The following ZNF385D variants were observed in gnomAD, a reference collection of about 807,000 sequenced individuals.
ZNF385D encodes zinc finger protein 659.
In ZNF385D, 15 loss-of-function variants were observed where a neutral mutation model predicts 35.8. That is an observed-to-expected ratio of 0.42 (90% CI 0.28 to 0.64). The LOEUF (loss-of-function observed/expected upper bound fraction) is 0.64, where lower values mean the gene tolerates loss of function less well. ZNF385D is among the 30% of genes least tolerant of loss of function. ZNF385D has a pLI of 0.23. For missense variants in ZNF385D, 474 were observed against 494.6 expected, an observed-to-expected ratio of 0.96 and a Z score of 0.39; for synonymous variants, 212 against 186.8, an observed-to-expected ratio of 1.13 and a Z score of -1.10.
At chr3:22,189,038 AT>A (rs35524906) in intron 2 of ZNF385D, among the ~76,000 whole-genome samples, 3 of 151,438 alleles carry the variant, frequency 2.0e-5, no homozygotes, top group Non-Finnish European at 2.9e-5. Flanking sequence ...AAAAACCAGC[AT>A]TTTTTTTTCT....
intron 3 of ZNF385D, among the ~76,000 whole-genome samples, chr3:21,517,628 G>C (rs1369690167): frequency 6.6e-6 from 1 of 152,180 alleles, no homozygotes; most frequent in Non-Finnish European, 1.5e-5. Context: ...CCTCCAATCA[G>C]AGTTAATACA....
At chr3:21,838,408 C>A (rs2673526) in intron 3 of ZNF385D, among the ~76,000 whole-genome samples, 96,422 of 152,102 alleles carry the variant, frequency 0.63, 31,078 homozygotes, top group African/African-American at 0.74. Context: ...CAGCTTCCAG[C>A]ACTTCTCATA....
chr3:22,172,702 T>G (rs1053635843), intron 2 of ZNF385D, among the ~76,000 whole-genome samples: 2 of 152,252 alleles, frequency 1.3e-5, no homozygotes, highest in Non-Finnish European at 1.5e-5. Flanking sequence ...CTGGAGCAAC[T>G]TGAGCAATAA....
chr3:21,651,564 A>G (rs2065915556), intron 2 of ZNF385D, among the ~76,000 whole-genome samples: 1 of 151,332 alleles, frequency 6.6e-6, no homozygotes, highest in East Asian at 2.0e-4. Flanking sequence ...ACGGTGGTGA[A>G]GAATGGTTTC....
chr3:21,589,765 GA>G (rs35302700), intron 2 of ZNF385D, among the ~76,000 whole-genome samples: 4 of 151,328 alleles, frequency 2.6e-5, no homozygotes, highest in Admixed American at 6.6e-5. Flanking sequence ...GATATTTAGT[GA>G]AAAAAAATCA....
intron 2 of ZNF385D, among the ~76,000 whole-genome samples, chr3:22,277,530 A>C (rs1285327792): frequency 6.6e-6 from 1 of 152,158 alleles, no homozygotes; most frequent in Admixed American, 6.6e-5. Context: ...TTAATGAATC[A>C]CTAAATAGTA....
At chr3:21,910,621 G>T (rs1699916534) in intron 3 of ZNF385D, among the ~76,000 whole-genome samples, 1 of 151,888 alleles carries the variant, frequency 6.6e-6, no homozygotes, top group African/African-American at 2.4e-5. Flanking sequence ...TATAATCGTT[G>T]TATCTCATGT....
At chr3:22,180,271 C>A (rs1158297674) in intron 2 of ZNF385D, among the ~76,000 whole-genome samples, 6 of 152,152 alleles carry the variant, frequency 3.9e-5, no homozygotes, top group South Asian at 4.1e-4. Flanking sequence ...CAATAACAGG[C>A]TCTGAAATTG....
chr3:22,042,838 T>TA (rs1698750651), intron 3 of ZNF385D, among the ~76,000 whole-genome samples: 1 of 152,212 alleles, frequency 6.6e-6, no homozygotes, highest in Non-Finnish European at 1.5e-5. Flanking sequence ...ACGTGTTTGG[T>TA]TGTCTTTGGA....
At chr3:22,001,129 A>C (rs1430908891) in intron 3 of ZNF385D, among the ~76,000 whole-genome samples, 3 of 152,118 alleles carry the variant, frequency 2.0e-5, no homozygotes, top group Admixed American at 6.5e-5. Context: ...AAAGGATAGG[A>C]ATAAGTCCTC....
chr3:22,101,569 T>C (rs1439589263), intron 3 of ZNF385D, among the ~76,000 whole-genome samples: 3 of 152,080 alleles, frequency 2.0e-5, no homozygotes, highest in Non-Finnish European at 4.4e-5. Flanking sequence ...TCTCTATAAG[T>C]TCTATTTATA....
chr3:21,516,337 A>C (rs886456507), intron 3 of ZNF385D, among the ~76,000 whole-genome samples: 12 of 152,226 alleles, frequency 7.9e-5, no homozygotes, highest in African/African-American at 2.9e-4. Context: ...GGAGACCAGA[A>C]TATTCCACTG....
chr3:21,963,029 C>G (rs1220437559), intron 3 of ZNF385D, among the ~76,000 whole-genome samples: 1 of 152,176 alleles, frequency 6.6e-6, no homozygotes, highest in Non-Finnish European at 1.5e-5. Flanking sequence ...TAAACAGTAG[C>G]CTTGCTTGGA....
intron 3 of ZNF385D, among the ~76,000 whole-genome samples, chr3:21,944,347 T>G (rs1701674359): frequency 1.3e-5 from 2 of 152,198 alleles, no homozygotes; most frequent in South Asian, 4.1e-4. Flanking sequence ...CTGTCAAAGC[T>G]GAAGAAACCA....
chr3:22,083,187 C>T (rs1199238755), intron 3 of ZNF385D, among the ~76,000 whole-genome samples: 11 of 152,176 alleles, frequency 7.2e-5, no homozygotes, highest in African/African-American at 1.9e-4. Context: ...TCCAAAGGAT[C>T]GCAGCTCCTC....
rs188224965 is a variant in ZNF385D, at chr3:21,482,991, G to C, written c.439+27870C>G. Among the ~76,000 whole-genome samples the C allele has an allele frequency of 4.3e-4, 65 of 152,162 alleles. No individual in the cohort carries two copies. In the East Asian group the frequency reaches 7.5e-3, roughly 18 times the overall value. On this transcript the variant is annotated intron_variant, in intron 4 of 7. Coordinates refer to ENST00000281523, the MANE Select transcript of ZNF385D (RefSeq NM_024697.3). The stretch of plus-strand genomic sequence containing the variant: ...TTAGACAGTATTATTAAAAACTAGA[G>C]ATTATATTCACATTTTACCAGCTTT...
At chr3:22,170,745 C>T (rs1224567442) in intron 2 of ZNF385D, among the ~76,000 whole-genome samples, 2 of 151,956 alleles carry the variant, frequency 1.3e-5, no homozygotes, top group African/African-American at 2.4e-5. Context: ...AAGTATCTAT[C>T]CAGGTTATAA....
intron 2 of ZNF385D, among the ~76,000 whole-genome samples, chr3:22,299,743 GAATA>G (rs1702794705): frequency 6.6e-6 from 1 of 151,592 alleles, no homozygotes; most frequent in East Asian, 1.9e-4. Flanking sequence ...AAATTCTTAG[GAATA>G]AATTTAACCA....
At chr3:22,179,086 A>G (rs1214871111) in intron 2 of ZNF385D, among the ~76,000 whole-genome samples, 2 of 152,110 alleles carry the variant, frequency 1.3e-5, no homozygotes, top group Non-Finnish European at 2.9e-5. Flanking sequence ...TTGGTTCCAT[A>G]TGAACTTTAA....
Sources: gnomAD v4.1 joint callset for allele counts (sites outside exome capture counted in the v4.1 genomes callset) on GRCh38, gnomAD v4.1.1 for gene constraint, MANE v1.5 for transcripts, NCBI Gene and HGNC (gene_info 2026-07-23, HGNC 2026-07-21) for gene names.